The following NXPE2 variants were observed in gnomAD, a reference collection of about 807,000 sequenced individuals.
NXPE2 encodes the protein NXPE family member 2.
A neutral mutation model predicts 34.4 loss-of-function variants in NXPE2; 34 were observed. That is an observed-to-expected ratio of 0.99 (90% CI 0.75 to 1.31). NXPE2 has a LOEUF of 1.31. NXPE2 is among the 40% of genes most tolerant of loss of function. The probability of loss-of-function intolerance (pLI) is 0.00; values close to 1 mark genes in which losing one functional copy is unlikely to be tolerated. For missense variants in NXPE2, 649 were observed against 672.5 expected, an observed-to-expected ratio of 0.97 and a Z score of 0.39; for synonymous variants, 235 against 231.3, an observed-to-expected ratio of 1.02 and a Z score of -0.15.
the NXPE2 span, among the ~76,000 whole-genome samples, chr11:114,712,325 C>T: frequency 6.1e-4 from 93 of 152,038 alleles, no homozygotes; most frequent in South Asian, 0.017. Flanking sequence ...TTCTGCATAG[C>T]CATAGAAAAC....
At chr11:114,612,885 G>T in the NXPE2 span, among the ~76,000 whole-genome samples, 1 of 151,988 alleles carries the variant, frequency 6.6e-6, no homozygotes, top group Non-Finnish European at 1.5e-5. Context: ...AATAAGTGTT[G>T]CCTCACGGGT....
the NXPE2 span, among the ~76,000 whole-genome samples, chr11:114,485,127 A>T: frequency 2.6e-5 from 4 of 152,194 alleles, no homozygotes; most frequent in Admixed American, 2.6e-4. Flanking sequence ...ATGTGTATTA[A>T]ACACATCAGG....
chr11:114,583,843 CT>C, the NXPE2 span: 7 of 393,286 alleles, frequency 1.8e-5, no homozygotes, highest in Non-Finnish European at 3.5e-5. Flanking sequence ...GGACTGTGTC[CT>C]TTCATAAATA....
chr11:114,624,796 C>T, the NXPE2 span, among the ~76,000 whole-genome samples: 2 of 152,122 alleles, frequency 1.3e-5, no homozygotes, highest in Non-Finnish European at 2.9e-5. Context: ...AGCACTGTTA[C>T]CCGGTGGATA....
chr11:114,725,074 T>G, the NXPE2 span, among the ~76,000 whole-genome samples: 2 of 151,924 alleles, frequency 1.3e-5, no homozygotes, highest in Non-Finnish European at 2.9e-5. Flanking sequence ...TAACAACAGC[T>G]GAAGTCTAGC....
chr11:114,636,919 C>A, the NXPE2 span, among the ~76,000 whole-genome samples: 1 of 152,068 alleles, frequency 6.6e-6, no homozygotes, highest in African/African-American at 2.4e-5. Flanking sequence ...TGGTGTGTTG[C>A]TGAAAAAAAT....
intron 5 of NXPE2, 138 bp from the exon 6 acceptor site, chr11:114,706,257 G>T: frequency 1.5e-6 from 1 of 653,618 alleles, no homozygotes; most frequent in Non-Finnish European, 2.4e-6. Context: ...TAATGCACCT[G>T]GTAAAATTAT....
the NXPE2 span, among the ~76,000 whole-genome samples, chr11:114,741,869 A>G: frequency 6.6e-6 from 1 of 152,094 alleles, no homozygotes; most frequent in Admixed American, 6.5e-5. Flanking sequence ...TGTTTTCTTG[A>G]ATTTTTGTGT....
At chr11:114,527,855 C>T in the NXPE2 span, 1 of 1,607,390 alleles carries the variant, frequency 6.2e-7, no homozygotes, top group Non-Finnish European at 8.5e-7. Flanking sequence ...CAATTAGTGA[C>T]ATCAATGTGT....
the NXPE2 span, among the ~76,000 whole-genome samples, chr11:114,577,519 A>G: frequency 6.6e-6 from 1 of 152,034 alleles, no homozygotes; most frequent in Non-Finnish European, 1.5e-5. Flanking sequence ...ATGTAACCAA[A>G]CACCACCGGT....
the NXPE2 span, among the ~76,000 whole-genome samples, chr11:114,634,760 G>T: frequency 6.6e-6 from 1 of 151,996 alleles, no homozygotes; most frequent in African/African-American, 2.4e-5. Context: ...GTTTCTCAAA[G>T]ATCAGATAGT....
At chr11:114,613,032 A>T in the NXPE2 span, among the ~76,000 whole-genome samples, 1 of 151,962 alleles carries the variant, frequency 6.6e-6, no homozygotes, top group East Asian at 1.9e-4. Context: ...AACCACTGTT[A>T]CCTGGTGGAT....
At chr11:114,632,749 ATAATATATCATATAT>A in the NXPE2 span, among the ~76,000 whole-genome samples, 3 of 63,914 alleles carry the variant, frequency 4.7e-5, no homozygotes, top group Non-Finnish European at 8.0e-5. Context: ...AAAATATATT[ATAATATATCATATAT>A]TATATAATTA....
chr11:114,633,475 T>G, the NXPE2 span, among the ~76,000 whole-genome samples: 1 of 148,814 alleles, frequency 6.7e-6, no homozygotes, highest in Non-Finnish European at 1.5e-5. Context: ...ATTTTAGTAT[T>G]ATTATACTTC....
chr11:114,537,680 A>G, the NXPE2 span, among the ~76,000 whole-genome samples: 1 of 152,170 alleles, frequency 6.6e-6, no homozygotes, highest in African/African-American at 2.4e-5. Context: ...TCCCATTCAC[A>G]ATTGCTTCAA....
the NXPE2 span, chr11:114,583,910 A>G: frequency 5.0e-6 from 2 of 396,156 alleles, no homozygotes; most frequent in Non-Finnish European, 9.8e-6. Flanking sequence ...TGGCAAAGGC[A>G]GATATTATGC....
intron 2 of NXPE2, among the ~76,000 whole-genome samples, chr11:114,694,788 G>C (rs1951218044): frequency 6.6e-6 from 1 of 151,732 alleles, no homozygotes; most frequent in East Asian, 1.9e-4. Context: ...CCTTTTGACT[G>C]TTTCTTAGAG....
At chr11:114,694,359 G>C (rs1249495027) in intron 2 of NXPE2, among the ~76,000 whole-genome samples, 3 of 152,114 alleles carry the variant, frequency 2.0e-5, no homozygotes, top group Non-Finnish European at 4.4e-5. Flanking sequence ...TGTATGGCTT[G>C]TATCATAATT....
the NXPE2 span, among the ~76,000 whole-genome samples, chr11:114,484,965 C>T: frequency 6.6e-6 from 1 of 152,168 alleles, no homozygotes; most frequent in East Asian, 1.9e-4. Flanking sequence ...CCTTAGTGTC[C>T]TTTTCTGCTA....
Sources: gnomAD v4.1 joint callset for allele counts (sites outside exome capture counted in the v4.1 genomes callset) on GRCh38, gnomAD v4.1.1 for gene constraint, MANE v1.5 for transcripts, NCBI Gene and HGNC (gene_info 2026-07-23, HGNC 2026-07-21) for gene names.